Variants in MKRN2 observed in about 807,000 individuals in gnomAD.
MKRN2 encodes the protein E3 ubiquitin-protein ligase makorin-2.
MKRN2 carries 32 observed loss-of-function variants against 45.4 expected under a neutral mutation model. That is an observed-to-expected ratio of 0.70 (90% CI 0.53 to 0.95). The LOEUF is 0.95. MKRN2 is among the 40% of genes least tolerant of loss of function. The pLI, the probability that MKRN2 is intolerant of heterozygous loss-of-function variation, is 0.00. For missense variants in MKRN2, 526 were observed against 536.7 expected, an observed-to-expected ratio of 0.98 and a Z score of 0.20; for synonymous variants, 206 against 192.4, an observed-to-expected ratio of 1.07 and a Z score of -0.59.
chr3:12,570,203 A>T lies in MKRN2; in HGVS notation c.288A>T (p.Ser96=). ...EVTASIVKTN[S]HEPGKREKRT... is the part of the protein sequence containing the mutation. Reference sequence around the variant, plus strand: ...CTGCATCCATTGTGAAAACTAACTCACATGAACCCGGAAAGCGTGAAAAGA... The same window carrying T: ...CTGCATCCATTGTGAAAACTAACTCTCATGAACCCGGAAAGCGTGAAAAGA... The change falls in exon 3 of 8, where the codon TCA becomes TCT. Residue 96 remains serine (S), a synonymous_variant. Coordinates refer to ENST00000170447, the MANE Select transcript of MKRN2 (RefSeq NM_014160.5). The T allele has an allele frequency of 6.2e-7, 1 of 1,613,966 alleles. No individual in the cohort carries two copies. Among genetic ancestry groups the T allele is most frequent in the Non-Finnish European group, 8.5e-7 (1 of 1,179,834 alleles).
At chr3:12,570,708 C>A (rs141802206) in intron 3 of MKRN2, among the ~76,000 whole-genome samples, 2,240 of 151,760 alleles carry the variant, frequency 0.015, 55 homozygotes, top group African/African-American at 0.049. Context: ...TTAGTAGAAA[C>A]CCTGTCTCTA....
intron 6 of MKRN2, among the ~76,000 whole-genome samples, chr3:12,580,823 A>G (rs1396072786): frequency 2.0e-5 from 3 of 152,194 alleles, no homozygotes; most frequent in Non-Finnish European, 2.9e-5. Flanking sequence ...GCCTGCGGCC[A>G]TCCCATCTGA....
At chr3:12,571,369 A>T (rs2058098177) in intron 3 of MKRN2, among the ~76,000 whole-genome samples, 1 of 152,136 alleles carries the variant, frequency 6.6e-6, no homozygotes, top group Admixed American at 6.5e-5. Flanking sequence ...TCGGCCTCCC[A>T]AAGTGCTGGG....
intron 4 of MKRN2, among the ~76,000 whole-genome samples, chr3:12,573,540 AAAT>A (rs1425357769): frequency 6.6e-6 from 1 of 152,070 alleles, no homozygotes; most frequent in East Asian, 1.9e-4. Context: ...GTCTCAAGAA[AAAT>A]AATAATAAAA....
chr3:12,579,771 A>C (rs2125308466), intron 6 of MKRN2, among the ~76,000 whole-genome samples: 1 of 152,298 alleles, frequency 6.6e-6, no homozygotes, highest in East Asian at 1.9e-4. Flanking sequence ...CTGGAATCTA[A>C]GGGACACTTG....
rs1446491517 is a variant in MKRN2 at position 12,576,728 on chromosome 3, A to C, written c.955A>C (p.Lys319Gln). 6.2e-7 allele frequency: 1 copy of C among 1,601,640 alleles called. No homozygotes were observed. Among genetic ancestry groups the C allele is most frequent in the East Asian group, 2.2e-5 (1 of 44,748 alleles). The change falls in exon 6 of 8, where the codon AAA (lysine) becomes CAA (glutamine). Residue 319 changes from lysine to glutamine, a missense_variant. Coordinates refer to ENST00000170447, the MANE Select transcript of MKRN2 (RefSeq NM_014160.5). The part of the protein sequence containing the change: ...NKKNELIEAF[K>Q]QGMGKKACKY... The stretch of plus-strand genomic sequence containing the variant: ...AAAGAACGAGTTGATTGAAGCTTTC[A>C]AACAGGGGATGGGGTAAGTGCTTTT...
rs964045022 is a variant in MKRN2 at position 12,583,635 on chromosome 3, CAT to C, written c.*1384_*1385del. The C allele has an allele frequency of 1.7e-5, 4 of 232,528 alleles. No homozygotes were observed. The highest frequency in any genetic ancestry group is 1.1e-4 in the Admixed American group (2 of 17,752). The allele number at this position is 232,528 out of a possible 1,614,324, so 14.4% of individuals were successfully genotyped here. On this transcript the variant is annotated 3_prime_UTR_variant, in exon 8 of 8. Transcript: ENST00000170447. Reference sequence around the variant, plus strand: ...AATTTAATTTATTTTATTAAAATAACATAATTGAGGGACCATCAGATAACTGT... The same window carrying C: ...AATTTAATTTATTTTATTAAAATAACAATTGAGGGACCATCAGATAACTGT...
At position 12,583,305 on chromosome 3, in the gene MKRN2, TATCTA is replaced by T. The variant is rs759608704; in HGVS notation, c.*1058_*1062del. ...CACTAGCTTGTTCCAAGCTGGAATTTATCTAATCTATTTTTGTGTTTAAAAAAGCT... is the reference window on the plus strand; with the variant it reads ...CACTAGCTTGTTCCAAGCTGGAATTTATCTATTTTTGTGTTTAAAAAAGCT... On this transcript the variant is annotated 3_prime_UTR_variant, in exon 8 of 8. Transcript: ENST00000170447. 7.1e-5 allele frequency: 11 copies of T among 154,176 alleles called. No homozygotes were observed. The South Asian group carries it at 1.0e-3, about 14-fold the overall frequency. The allele number at this position is 154,176 out of a possible 1,614,324, so 9.6% of individuals were successfully genotyped here. A position where few individuals can be genotyped will look rare whatever the true frequency, so the allele number is the denominator to read the frequency against.
intron 3 of MKRN2, 140 bp from the exon 4 acceptor site, chr3:12,571,929 T>G: frequency 1.3e-6 from 1 of 756,114 alleles, no homozygotes; most frequent in Non-Finnish European, 2.0e-6. Context: ...ATTTTTCCCC[T>G]TCGGTGTGTT....
chr3:12,561,196 T>A (rs2058033981), intron 1 of MKRN2: 1 of 152,194 alleles, frequency 6.6e-6, no homozygotes, highest in African/African-American at 2.4e-5. Flanking sequence ...TGAAGTGGCT[T>A]TTATGAAGTC....
At chr3:12,565,553 G>C (rs2454426) in intron 1 of MKRN2, among the ~76,000 whole-genome samples, 2 of 110,072 alleles carry the variant, frequency 1.8e-5, no homozygotes, top group Admixed American at 1.0e-4. Context: ...TTTTTTTTTG[G>C]GAGACAGGGT....
intron 1 of MKRN2, among the ~76,000 whole-genome samples, chr3:12,566,846 A>G (rs2596823): frequency 0.56 from 85,870 of 152,088 alleles, 26,923 homozygotes; most frequent in African/African-American, 0.84. Flanking sequence ...CTGGTCATCC[A>G]CCCACCTCAG....
chr3:12,576,918 C>T, intron 6 of MKRN2, 177 bp downstream of exon 6: 1 of 220,246 alleles, frequency 4.5e-6, no homozygotes, highest in Non-Finnish European at 8.5e-6. Context: ...TGATGTGGAC[C>T]TGTTTAGTTT....
At chr3:12,577,084 C>T (rs994948751) in intron 6 of MKRN2, 17 of 158,784 alleles carry the variant, frequency 1.1e-4, no homozygotes, top group Admixed American at 5.8e-4. Flanking sequence ...CAGTAGTGTG[C>T]GCCACCATGC....
intron 1 of MKRN2, among the ~76,000 whole-genome samples, chr3:12,562,592 A>C (rs1479309760): frequency 6.6e-6 from 1 of 152,166 alleles, no homozygotes; most frequent in Non-Finnish European, 1.5e-5. Context: ...ATGGCCTTTT[A>C]GGAACCAGGC....
At chr3:12,571,937 G>GT (rs575970384) in intron 3 of MKRN2, 132 bp from the exon 4 acceptor site, 262 of 829,388 alleles carry the variant, frequency 3.2e-4, no homozygotes, top group Non-Finnish European at 4.1e-4. Flanking sequence ...CCTTCGGTGT[G>GT]TTTTTTTTGC....
At chr3:12,564,223 G>A (rs1325552488) in intron 1 of MKRN2, among the ~76,000 whole-genome samples, 3 of 152,202 alleles carry the variant, frequency 2.0e-5, no homozygotes, top group African/African-American at 7.2e-5. Flanking sequence ...TGGGATTACA[G>A]GCGTGAGCCA....
chr3:12,557,374 C>G (rs528309107), intron 1 of MKRN2, among the ~76,000 whole-genome samples, 198 bp downstream of exon 1: 1 of 152,226 alleles, frequency 6.6e-6, no homozygotes, highest in African/African-American at 2.4e-5. Flanking sequence ...GGCCGAGACG[C>G]TGGGCGAGGC....
At chr3:12,580,840 G>T (rs780906714) in intron 6 of MKRN2, among the ~76,000 whole-genome samples, 2 of 152,192 alleles carry the variant, frequency 1.3e-5, no homozygotes, top group African/African-American at 4.8e-5. Context: ...CTGACAAGAC[G>T]GAAAACCACT....
Sources: allele counts gnomAD v4.1 joint callset (sites outside exome capture counted in the v4.1 genomes callset), GRCh38; gene constraint gnomAD v4.1.1; transcripts MANE v1.5; gene names NCBI Gene and HGNC (gene_info 2026-07-23, HGNC 2026-07-21).